The following PDZD2 variants were observed in gnomAD, a reference collection of about 807,000 sequenced individuals.
PDZD2 encodes PDZ domain-containing protein 2.
Under a neutral mutation model 220.7 loss-of-function variants are expected in PDZD2, and 90 were observed. The observed-to-expected ratio is 0.41, with a 90% CI of 0.34 to 0.49. The LOEUF is 0.49. Ranked by LOEUF, PDZD2 falls within the 20% of genes least tolerant of loss-of-function variation. The probability of loss-of-function intolerance (pLI) is 0.28; values close to 1 mark genes in which losing one functional copy is unlikely to be tolerated. For missense variants in PDZD2, 3,174 were observed against 3,608.5 expected, an observed-to-expected ratio of 0.88 and a Z score of 3.08; for synonymous variants, 1,375 against 1,450.5, an observed-to-expected ratio of 0.95 and a Z score of 1.18.
intron 1 of PDZD2, among the ~76,000 whole-genome samples, chr5:31,762,543 C>T (rs890271840): frequency 1.3e-5 from 2 of 152,230 alleles, no homozygotes; most frequent in Admixed American, 6.5e-5. Flanking sequence ...CTGCCTCAGC[C>T]TCCCAAAGTG....
intron 1 of PDZD2, among the ~76,000 whole-genome samples, chr5:31,735,302 T>C (rs988686091): frequency 2.6e-5 from 4 of 152,180 alleles, no homozygotes; most frequent in African/African-American, 9.7e-5. Context: ...TGGGATGGTG[T>C]GGTGGGGGCA....
intron 1 of PDZD2, among the ~76,000 whole-genome samples, chr5:31,732,954 T>C (rs1749623327): frequency 6.6e-6 from 1 of 152,298 alleles, no homozygotes; most frequent in South Asian, 2.1e-4. Flanking sequence ...ATCTTGAACT[T>C]CTGACCTCAG....
chr5:31,667,235 C>CAAAAAAAA (rs3031718), intron 1 of PDZD2, among the ~76,000 whole-genome samples: 2 of 52,852 alleles, frequency 3.8e-5, no homozygotes, highest in Admixed American at 2.9e-4. Context: ...GACTCCGTCT[C>CAAAAAAAA]AAAAAAAAAA....
At chr5:31,778,349 G>A (rs1232494889) in intron 1 of PDZD2, among the ~76,000 whole-genome samples, 1 of 152,122 alleles carries the variant, frequency 6.6e-6, no homozygotes, top group Non-Finnish European at 1.5e-5. Context: ...TGGAAGCTTT[G>A]TTCTTTCGCT....
intron 2 of PDZD2, among the ~76,000 whole-genome samples, chr5:31,811,854 G>A (rs554538279): frequency 2.0e-5 from 3 of 152,198 alleles, no homozygotes; most frequent in African/African-American, 7.2e-5. Context: ...GCCAGGCGTG[G>A]TGGTGCGTGC....
intron 2 of PDZD2, among the ~76,000 whole-genome samples, chr5:31,895,840 C>A (rs778919557): frequency 6.6e-6 from 1 of 152,176 alleles, no homozygotes; most frequent in African/African-American, 2.4e-5. Flanking sequence ...GCCTTTTCCC[C>A]ACCCTGCCTC....
Position 31,704,738 on chromosome 5 carries a change from C to G in PDZD2, c.-361+65301C>G, listed in dbSNP as rs902505572. On this transcript the variant is annotated intron_variant, in intron 1 of 24. Transcript: ENST00000438447. ...AATTCCCTTTTACATGCAGAACTCC[C>G]CTCACCTAAATTAAGAAAACTGGTA... is the stretch of plus-strand genomic sequence containing the variant. 3.9e-5 allele frequency among the ~76,000 whole-genome samples: 6 copies of G among 152,228 alleles called. No individual in the cohort carries two copies. The East Asian group carries it at 1.2e-3, about 29-fold the overall frequency.
intron 2 of PDZD2, among the ~76,000 whole-genome samples, chr5:31,869,579 CAAAAG>C (rs1188151463): frequency 4.0e-5 from 6 of 151,654 alleles, no homozygotes; most frequent in African/African-American, 1.5e-4. Flanking sequence ...AAAAAAAAAA[CAAAAG>C]AAAAAAGAAA....
At chr5:31,763,234 A>G (rs749452220) in intron 1 of PDZD2, among the ~76,000 whole-genome samples, 25 of 152,208 alleles carry the variant, frequency 1.6e-4, no homozygotes, top group Admixed American at 3.3e-4. Context: ...GCTCCTGCCC[A>G]CAGAGCACCT....
intron 2 of PDZD2, among the ~76,000 whole-genome samples, chr5:31,967,523 C>T (rs1304552172): frequency 6.6e-6 from 1 of 152,096 alleles, no homozygotes; most frequent in Non-Finnish European, 1.5e-5. Flanking sequence ...GCAACTCAGC[C>T]CTTAGATCAT....
chr5:31,952,542 G>A (rs1043673797), intron 2 of PDZD2, among the ~76,000 whole-genome samples: 7 of 152,206 alleles, frequency 4.6e-5, no homozygotes, highest in Admixed American at 4.6e-4. Flanking sequence ...CTTAAGTAAA[G>A]AACAGTAGCT....
At chr5:31,799,935 A>G (rs1196772195) in intron 2 of PDZD2, among the ~76,000 whole-genome samples, 1 of 152,116 alleles carries the variant, frequency 6.6e-6, no homozygotes, top group African/African-American at 2.4e-5. Context: ...TCATCTGCCT[A>G]TCCCATATCA....
At position 32,088,075 on chromosome 5, in the gene PDZD2, A is replaced by C. The variant is rs1742691273; in HGVS notation, c.4627A>C (p.Ser1543Arg). ...DSTSLSGLGD[S>R]TEPSLSSMYG... is the part of the protein sequence containing the mutation. ...CACCTCCCTATCAGGCCTGGGTGAC[A>C]GCACGGAGCCGTCTCTGTCATCCAT... The change falls in exon 20 of 25, where the codon AGC (serine) becomes CGC (arginine). Residue 1543 changes from serine (S) to arginine (R), a missense_variant. This residue lies in a region of PDZD2 where 1,861 missense variants were observed against 2,001.0 expected (regional missense o/e 0.93). Transcript: ENST00000438447. The surrounding 1 kb of genome is among the most constrained non-coding windows in gnomAD (Gnocchi z 4.6). 1 of 1,614,176 alleles carries C rather than the reference A, an allele frequency of 6.2e-7. No individual in the cohort carries two copies. Among genetic ancestry groups the C allele is most frequent in the African/African-American group, 1.3e-5 (1 of 75,074 alleles).
chr5:31,848,158 C>A, intron 2 of PDZD2: 1 of 252,556 alleles, frequency 4.0e-6, no homozygotes, highest in South Asian at 6.4e-5. Flanking sequence ...AGACCTAAAC[C>A]AAACAATTTT....
chr5:32,043,123 G>C (rs948702357), intron 7 of PDZD2, among the ~76,000 whole-genome samples: 1 of 152,190 alleles, frequency 6.6e-6, no homozygotes, highest in Non-Finnish European at 1.5e-5. Context: ...TCTCCGATCT[G>C]GGGCTTTATC....
intron 2 of PDZD2, among the ~76,000 whole-genome samples, chr5:31,811,864 C>T (rs984306383): frequency 5.9e-5 from 9 of 151,978 alleles, no homozygotes; most frequent in Admixed American, 1.3e-4. Context: ...GTGGTGCGTG[C>T]CTGTAATCCC....
rs1755403933 is a variant in PDZD2, at chr5:31,815,660, TGAA to T, written c.476+15937_476+15939del. Among the ~76,000 whole-genome samples the T allele has an allele frequency of 2.0e-5, 3 of 152,200 alleles. No individual in the cohort carries two copies. In the South Asian group the frequency reaches 6.2e-4, roughly 32 times the overall value. ...CTGCGCCTTTTTGCCTGTCATGGCCTGAACCAGTTTCTCAGGTTTACTTTGGAA... is the reference window on the plus strand; with the variant it reads ...CTGCGCCTTTTTGCCTGTCATGGCCTCCAGTTTCTCAGGTTTACTTTGGAA... On this transcript the variant is annotated intron_variant, in intron 2 of 24. Coordinates refer to ENST00000438447, the MANE Select transcript of PDZD2 (RefSeq NM_178140.4).
intron 1 of PDZD2, among the ~76,000 whole-genome samples, chr5:31,726,140 TGAG>T (rs1261296529): frequency 3.9e-5 from 6 of 152,192 alleles, no homozygotes; most frequent in African/African-American, 1.4e-4. Flanking sequence ...CTGTAGATTG[TGAG>T]GAGAAGTGCC....
chr5:31,876,800 A>G (rs1739344644), intron 2 of PDZD2, among the ~76,000 whole-genome samples: 2 of 152,216 alleles, frequency 1.3e-5, no homozygotes, highest in South Asian at 2.1e-4. Context: ...GAGTCAGGCT[A>G]TGTGCCAAGC....
Sources: allele counts gnomAD v4.1 joint callset (sites outside exome capture counted in the v4.1 genomes callset), GRCh38; gene constraint gnomAD v4.1.1; regional missense constraint gnomAD v4.1.1; non-coding constraint Gnocchi (gnomAD v3.1); transcripts MANE v1.5; gene names NCBI Gene and HGNC (gene_info 2026-07-23, HGNC 2026-07-21).